The following ZNF718 variants were observed in gnomAD, a reference collection of about 807,000 sequenced individuals.
ZNF718 encodes the protein zinc finger protein 718.
In ZNF718, 3 loss-of-function variants were observed where a neutral mutation model predicts 2.6. The ratio of observed to expected loss-of-function variants is 1.16; its 90% CI spans 0.53 to 3.01. ZNF718 has a LOEUF of 3.01. Among genes scored for constraint, ZNF718 ranks in the 30% most tolerant of loss-of-function variants. The probability of loss-of-function intolerance (pLI) is 0.03; values close to 1 mark genes in which losing one functional copy is unlikely to be tolerated. For synonymous variants in ZNF718, 135 were observed against 77.9 expected (o/e 1.73, Z -3.86); for missense variants, 468 against 230.0 (o/e 2.03, Z -6.69).
rs2108805985 is a variant in ZNF718, at chr4:163,134, A to C, written c.*1012A>C. 6.6e-6 allele frequency: 1 copy of C among 152,282 alleles called. No homozygotes were observed. Among genetic ancestry groups the C allele is most frequent in the East Asian group, 1.9e-4 (1 of 5,182 alleles). 9.4% of individuals were successfully genotyped at this position (152,282 alleles called of 1,614,324 possible). ...ATTGTTTATATGAAAGCATGTGATGAATTGTTGCATCAGAGGTATGAGTGA... is the reference window on the plus strand; with the variant it reads ...ATTGTTTATATGAAAGCATGTGATGCATTGTTGCATCAGAGGTATGAGTGA... On this transcript the variant is annotated 3_prime_UTR_variant, in exon 4 of 4. Transcript: ENST00000510175.
chr4:134,485 A>T (rs1715472456), intron 3 of ZNF718, among the ~76,000 whole-genome samples: 1 of 152,158 alleles, frequency 6.6e-6, no homozygotes, highest in African/African-American at 2.4e-5. Context: ...TAAGTTTCAA[A>T]ATTGTGTTTT....
chr4:154,417 C>G (rs1345525173), intron 3 of ZNF718, among the ~76,000 whole-genome samples: 1 of 152,136 alleles, frequency 6.6e-6, no homozygotes, highest in Non-Finnish European at 1.5e-5. Context: ...AAGTTTGGAA[C>G]TTCCTGGAGA....
At position 127,246 on chromosome 4, in the gene ZNF718, C is replaced by T. The variant is rs1406819230; in HGVS notation, c.3+2573C>T. On this transcript the variant is annotated intron_variant, in intron 1 of 3. Transcript: ENST00000510175. ...TTCTTCTCAGGATTCCAGCCACAACCCACAATTGTATGACAAAGTGCAGCA... is the reference window on the plus strand; with the variant it reads ...TTCTTCTCAGGATTCCAGCCACAACTCACAATTGTATGACAAAGTGCAGCA... 3.8e-5 allele frequency among the ~76,000 whole-genome samples: 4 copies of T among 104,632 alleles called. 2 individuals are homozygous for T. Among genetic ancestry groups the T allele is most frequent in the Non-Finnish European group, 8.5e-5 (4 of 46,840 alleles). The allele number at this position is 104,632 out of a possible 152,430, so 68.6% of individuals were successfully genotyped here. A position where few individuals can be genotyped will look rare whatever the true frequency, so the allele number is the denominator to read the frequency against.
chr4:185,741 C>T (rs1253470003), intron 3 of ZNF718, among the ~76,000 whole-genome samples: 2 of 152,064 alleles, frequency 1.3e-5, no homozygotes, highest in Non-Finnish European at 2.9e-5. Context: ...AACCTTTACC[C>T]TTATGTAATG....
chr4:193,830 C>G (rs1717740510), intron 3 of ZNF718, among the ~76,000 whole-genome samples: 1 of 152,312 alleles, frequency 6.6e-6, no homozygotes, highest in South Asian at 2.1e-4. Flanking sequence ...TTAGTGGCTT[C>G]TGACTAAGAG....
chr4:133,195 A>AAAAAAAAAAAAAAAAATAT (rs1258303094), intron 3 of ZNF718, among the ~76,000 whole-genome samples: 1 of 20,774 alleles, frequency 4.8e-5, no homozygotes, highest in African/African-American at 1.7e-4. Flanking sequence ...AAAAAAAAAA[A>AAAAAAAAAAAAAAAAATAT]ATATATATAT....
At chr4:157,888 A>G (rs1269595400) in intron 3 of ZNF718, among the ~76,000 whole-genome samples, 2 of 152,042 alleles carry the variant, frequency 1.3e-5, no homozygotes, top group African/African-American at 2.4e-5. Flanking sequence ...TCCCTTATGA[A>G]TATTGTCTTT....
intron 3 of ZNF718, among the ~76,000 whole-genome samples, chr4:178,569 G>T (rs1717395599): frequency 6.6e-6 from 1 of 152,134 alleles, no homozygotes; most frequent in Admixed American, 6.6e-5. Context: ...CCTTTTGTGT[G>T]TTGAATAGTG....
At chr4:196,805 G>C (rs1553822103) in intron 3 of ZNF718, among the ~76,000 whole-genome samples, 1 of 152,022 alleles carries the variant, frequency 6.6e-6, no homozygotes, top group African/African-American at 2.4e-5. Context: ...GCTGACACCT[G>C]AGTCTTTAGT....
At position 161,572 on chromosome 4, in the gene ZNF718, C is replaced by T. The variant is rs1553815209; in HGVS notation, c.887C>T (p.Ser296Leu). Residue 296 changes from serine (S) to leucine (L), a missense_variant, in exon 4 of 4, where the codon TCA becomes TTA. Physicochemically the swap from Ser to Leu is moderately radical, Grantham distance 145 (BLOSUM62 -2). Transcript: ENST00000510175. ...TGTGGTAAAGCCTTTAAGTGGTCCT[C>T]ATCCCTTAATGAACATAAGAGAATT... ...EECGKAFKWS[S>L]SLNEHKRIHA... 1 of 780,848 alleles carries T rather than the reference C, an allele frequency of 1.3e-6. No homozygotes were observed. Among genetic ancestry groups the T allele is most frequent in the Non-Finnish European group, 2.4e-6 (1 of 418,060 alleles). The allele number at this position is 780,848 out of a possible 1,614,324, so 48.4% of individuals were successfully genotyped here.
At chr4:137,870 C>G (rs1022413595) in intron 3 of ZNF718, among the ~76,000 whole-genome samples, 3 of 152,100 alleles carry the variant, frequency 2.0e-5, no homozygotes, top group Non-Finnish European at 4.4e-5. Context: ...ATGCTATATG[C>G]AAGAAAACAT....
intron 3 of ZNF718, among the ~76,000 whole-genome samples, chr4:178,564 T>C (rs1717395465): frequency 6.6e-6 from 1 of 151,258 alleles, no homozygotes; most frequent in Admixed American, 6.6e-5. Context: ...TGATTCCTTT[T>C]GTGTGTTGAA....
intron 3 of ZNF718, among the ~76,000 whole-genome samples, chr4:198,404 C>A (rs1255773716): frequency 4.6e-5 from 7 of 152,176 alleles, no homozygotes; most frequent in African/African-American, 1.7e-4. Flanking sequence ...GGTCCAGACC[C>A]AGTGCCTGGG....
chr4:146,077 CTATATATATATATA>C (rs5742061), intron 3 of ZNF718, among the ~76,000 whole-genome samples: 1 of 143,030 alleles, frequency 7.0e-6, no homozygotes, highest in African/African-American at 2.6e-5. Context: ...ATATAGCCTT[CTATATATATATATA>C]TATATATATG....
At chr4:152,694 CTT>C (rs1312164534) in intron 3 of ZNF718, among the ~76,000 whole-genome samples, 1 of 152,124 alleles carries the variant, frequency 6.6e-6, no homozygotes, top group Non-Finnish European at 1.5e-5. Context: ...TCTGATCTCT[CTT>C]GCTTTTCCCC....
At chr4:170,805 G>T (rs1241672973) in intron 3 of ZNF718, among the ~76,000 whole-genome samples, 2 of 152,004 alleles carry the variant, frequency 1.3e-5, no homozygotes, top group African/African-American at 2.4e-5. Context: ...TCCTCCTTTA[G>T]TTCGGAGTAG....
Position 132,900 on chromosome 4 carries a change from C to A in ZNF718, c.226+1395C>A, listed in dbSNP as rs1447214786. 2.0e-5 allele frequency among the ~76,000 whole-genome samples: 2 copies of A among 100,164 alleles called. 1 individual carries two copies. Among genetic ancestry groups the A allele is most frequent in the African/African-American group, 7.0e-5 (2 of 28,734 alleles). The allele number at this position is 100,164 out of a possible 152,430, so 65.7% of individuals were successfully genotyped here. A position where few individuals can be genotyped will look rare whatever the true frequency, so the allele number is the denominator to read the frequency against. On this transcript the variant is annotated intron_variant, in intron 3 of 3. Coordinates refer to ENST00000510175, the MANE Select transcript of ZNF718 (RefSeq NM_001039127.6). ...CCACACATAAAATACAGTAACGTGG[C>A]CGGACACGGTGGCTCACACCTGTAA... is the stretch of plus-strand genomic sequence containing the variant.
intron 2 of ZNF718, among the ~76,000 whole-genome samples, 158 bp downstream of exon 2, chr4:131,072 G>T (rs1227311028): frequency 9.6e-6 from 1 of 104,166 alleles, no homozygotes; most frequent in Non-Finnish European, 2.1e-5. Flanking sequence ...AAAATCTTTA[G>T]GATGTTTCAT....
At chr4:124,752 T>C (rs959091191) in intron 1 of ZNF718, 79 bp downstream of exon 1, 45 of 1,570,784 alleles carry the variant, frequency 2.9e-5, no homozygotes, top group Non-Finnish European at 3.7e-5. Context: ...GTGGGAGGAG[T>C]CTGTGAATGG....
Sources: gnomAD v4.1 joint callset for allele counts (sites outside exome capture counted in the v4.1 genomes callset) on GRCh38, gnomAD v4.1.1 for gene constraint, MANE v1.5 for transcripts, NCBI Gene and HGNC (gene_info 2026-07-23, HGNC 2026-07-21) for gene names.